The following ANK3 variants were observed in gnomAD, a reference collection of about 807,000 sequenced individuals.
ANK3 encodes the protein ankyrin-3.
In ANK3, 57 loss-of-function variants were observed where a neutral mutation model predicts 370.9. The observed-to-expected ratio is 0.15, with a 90% CI of 0.12 to 0.19. ANK3 has a LOEUF of 0.19. Among genes scored for constraint, ANK3 ranks in the 10% least tolerant of loss-of-function variants. ANK3 has a pLI of 1.00. For synonymous variants in ANK3, 1,929 were observed against 1,946.3 expected (o/e 0.99, Z 0.23); for missense variants, 4,439 against 5,302.1 (o/e 0.84, Z 5.06).
intron 2 of ANK3, among the ~76,000 whole-genome samples, chr10:60,583,984 T>C (rs756122420): frequency 2.6e-5 from 4 of 152,220 alleles, no homozygotes; most frequent in Non-Finnish European, 5.9e-5. Context: ...TACACATGTA[T>C]GGAACCATCA....
intron 7 of ANK3, 47 bp downstream of exon 7, chr10:60,261,812 A>T: frequency 6.5e-7 from 1 of 1,536,340 alleles, no homozygotes; most frequent in Non-Finnish European, 9.0e-7. Context: ...GAGAGTATAA[A>T]ATAGTTGCAA....
In ANK3 at chr10:60,132,651, C is replaced by G. The variant is rs1355875531; in HGVS notation, c.2841+1620G>C. 6.0e-5 allele frequency among the ~76,000 whole-genome samples: 9 copies of G among 150,606 alleles called. No homozygotes were observed. The East Asian group carries it at 1.4e-3, about 23-fold the overall frequency. The stretch of plus-strand genomic sequence containing the variant: ...TTTTTTTTTTTGACAGAGTCTCGCT[C>G]TGTTGCCCAGGCTGGAGTACAGTGG... On this transcript the variant is annotated intron_variant, in intron 25 of 43. Coordinates refer to ENST00000280772, the MANE Select transcript of ANK3 (RefSeq NM_020987.5).
chr10:60,560,678 C>A (rs938167614), intron 2 of ANK3, among the ~76,000 whole-genome samples: 2 of 152,124 alleles, frequency 1.3e-5, no homozygotes, highest in African/African-American at 2.4e-5. Flanking sequence ...AGTGAAATAA[C>A]ACCACATTTG....
chr10:60,529,883 C>T (rs1236466819), intron 2 of ANK3, among the ~76,000 whole-genome samples: 2 of 152,166 alleles, frequency 1.3e-5, no homozygotes, highest in African/African-American at 2.4e-5. Flanking sequence ...TTTTCGTTCT[C>T]AGGCATTAAT....
intron 2 of ANK3, among the ~76,000 whole-genome samples, chr10:60,527,131 A>T (rs148239293): frequency 6.6e-6 from 1 of 152,296 alleles, no homozygotes; most frequent in South Asian, 2.1e-4. Flanking sequence ...AACAAATGAC[A>T]ATTAACTTCT....
intron 42 of ANK3, among the ~76,000 whole-genome samples, 197 bp downstream of exon 42, chr10:60,055,461 T>TA (rs907654320): frequency 6.6e-6 from 1 of 151,846 alleles, no homozygotes; most frequent in African/African-American, 2.4e-5. Flanking sequence ...GCATACATTT[T>TA]ACTTGGAACT....
Position 60,070,473 on chromosome 10 carries a change from C to T in ANK3, c.10408G>A (p.Glu3470Lys). ...SQSKLEVIEE[E>K]GKVGPDEDKP... ...TCCTCATCTGGTCCCACCTTTCCCT[C>T]CTCCTCGATAACTTCAAGTTTACTT... The change falls in exon 37 of 44, where the codon GAG becomes AAG. Residue 3470 changes from glutamate to lysine, a missense_variant. Coordinates refer to ENST00000280772, the MANE Select transcript of ANK3 (RefSeq NM_020987.5). The surrounding 1 kb of genome is among the most constrained non-coding windows in gnomAD (Gnocchi z 5.7). 6.2e-7 allele frequency: 1 copy of T among 1,614,152 alleles called. No homozygotes were observed. Among genetic ancestry groups the T allele is most frequent in the Non-Finnish European group, 8.5e-7 (1 of 1,180,008 alleles).
At chr10:60,572,746 T>C (rs2077629413) in intron 2 of ANK3, 1 of 1,353,228 alleles carries the variant, frequency 7.4e-7, no homozygotes, top group Non-Finnish European at 9.4e-7. Context: ...AACTGGGTGT[T>C]CTCTATATCA....
At position 60,702,385 on chromosome 10, in the gene ANK3, A is replaced by G. The variant is rs75740828; in HGVS notation, c.57+30878T>C. On this transcript the variant is annotated intron_variant, in intron 1 of 43. Transcript: ENST00000373827. ...CCTAAGTGAGATATATGCAAAAGCA[A>G]AAAGAACTGGATACAAAACATTGTA... Among the ~76,000 whole-genome samples the G allele has an allele frequency of 1.2e-3, 186 of 152,314 alleles. 1 individual carries two copies. Among genetic ancestry groups the G allele is most frequent in the African/African-American group, 4.4e-3 (182 of 41,576 alleles).
chr10:60,319,449 C>T (rs2048160913), intron 1 of ANK3, among the ~76,000 whole-genome samples: 1 of 152,150 alleles, frequency 6.6e-6, no homozygotes, highest in Non-Finnish European at 1.5e-5. Context: ...GACAACACGA[C>T]AAATGCCAGC....
At chr10:60,481,733 G>A (rs2075222291) in intron 2 of ANK3, among the ~76,000 whole-genome samples, 1 of 152,148 alleles carries the variant, frequency 6.6e-6, no homozygotes, top group Non-Finnish European at 1.5e-5. Flanking sequence ...CAAAGTGCTG[G>A]GATTACAGGC....
At chr10:60,102,369 G>A (rs911519302) in intron 28 of ANK3, among the ~76,000 whole-genome samples, 2 of 152,040 alleles carry the variant, frequency 1.3e-5, no homozygotes, top group African/African-American at 4.8e-5. Context: ...CAAGCTAGGA[G>A]CTTTACATAT....
chr10:60,085,610 CTTTTT>C (rs10601268), intron 30 of ANK3, among the ~76,000 whole-genome samples: 4 of 109,938 alleles, frequency 3.6e-5, no homozygotes, highest in African/African-American at 1.1e-4. Context: ...GTCTCTTACT[CTTTTT>C]TTTTTTTTTT....
chr10:60,554,010 T>C (rs1374574420), intron 2 of ANK3, among the ~76,000 whole-genome samples: 1 of 152,184 alleles, frequency 6.6e-6, no homozygotes, highest in Non-Finnish European at 1.5e-5. Context: ...GAAATTAGAT[T>C]TCTGGCTTTT....
chr10:60,390,525 G>A (rs2063003086), upstream of ANK3, among the ~76,000 whole-genome samples: 1 of 152,090 alleles, frequency 6.6e-6, no homozygotes, highest in South Asian at 2.1e-4. Context: ...TGCAGCCTCT[G>A]AATATTCATT....
intron 1 of ANK3, among the ~76,000 whole-genome samples, chr10:60,332,584 G>A (rs2051633481): frequency 6.6e-6 from 1 of 152,206 alleles, no homozygotes. Flanking sequence ...GGAATGGCAA[G>A]GCTGCTGTAA....
At position 60,076,225 on chromosome 10, in the gene ANK3, T is replaced by C. The variant is rs2083768232; in HGVS notation, c.4656A>G (p.Thr1552=). The change falls in exon 37 of 44, where the codon ACA becomes ACG. Residue 1552 remains threonine (T), a synonymous_variant. Transcript: ENST00000280772. The part of the protein sequence containing the change: ...SVSTPSPIKS[T]LGASTTSSVK... Reference sequence around the variant, plus strand: ...CTGAAGATGTAGTTGACGCGCCTAATGTGGATTTGATTGGAGAAGGTGTCG... The same window carrying C: ...CTGAAGATGTAGTTGACGCGCCTAACGTGGATTTGATTGGAGAAGGTGTCG... The C allele has an allele frequency of 1.9e-6, 3 of 1,614,046 alleles. No homozygotes were observed. The highest frequency in any genetic ancestry group is 1.7e-5 in the Admixed American group (1 of 59,998).
intron 2 of ANK3, among the ~76,000 whole-genome samples, chr10:60,479,763 C>A (rs193262059): frequency 2.0e-5 from 3 of 152,132 alleles, no homozygotes; most frequent in East Asian, 3.9e-4. Flanking sequence ...AATCATCCTT[C>A]AAGGTTCAGT....
chr10:60,602,576 G>C (rs2078078869), intron 2 of ANK3, among the ~76,000 whole-genome samples: 1 of 151,942 alleles, frequency 6.6e-6, no homozygotes, highest in Non-Finnish European at 1.5e-5. Context: ...TATGTCAATG[G>C]GGCCCATGTA....
Sources: gnomAD v4.1 joint callset for allele counts (sites outside exome capture counted in the v4.1 genomes callset) on GRCh38, gnomAD v4.1.1 for gene constraint, Gnocchi (gnomAD v3.1) non-coding constraint, MANE v1.5 for transcripts, NCBI Gene and HGNC (gene_info 2026-07-23, HGNC 2026-07-21) for gene names.